SEM1: variants seen among roughly 807,000 people sequenced by gnomAD.
SEM1 encodes the protein SEM1 26S proteasome subunit.
Under a neutral mutation model 12.7 loss-of-function variants are expected in SEM1, and 3 were observed. The observed-to-expected ratio is 0.24, with a 90% CI of 0.11 to 0.61. The LOEUF (loss-of-function observed/expected upper bound fraction) is 0.61. Ranked by LOEUF, SEM1 falls within the 20% of genes least tolerant of loss-of-function variation. The pLI, the probability that SEM1 is intolerant of heterozygous loss-of-function variation, is 0.88. For missense variants in SEM1, 59 were observed against 81.3 expected (o/e 0.73, Z 1.06); for synonymous variants, 30 against 27.8 (o/e 1.08, Z -0.25).
chr7:96,525,648 T>C (rs1804434554), intron 2 of SEM1, among the ~76,000 whole-genome samples: 1 of 152,080 alleles, frequency 6.6e-6, no homozygotes, highest in African/African-American at 2.4e-5. Context: ...CTCCAAGTGA[T>C]CCTATAAAGC....
At chr7:96,524,323 C>T (rs1006467985) in intron 2 of SEM1, among the ~76,000 whole-genome samples, 2 of 152,078 alleles carry the variant, frequency 1.3e-5, no homozygotes, top group Non-Finnish European at 2.9e-5. Flanking sequence ...AGAACTCCTG[C>T]GATGATGTCA....
intron 2 of SEM1, among the ~76,000 whole-genome samples, chr7:96,557,053 A>C (rs1487745804): frequency 1.4e-5 from 2 of 145,730 alleles, no homozygotes; most frequent in African/African-American, 5.0e-5. Context: ...AGCTCCTTTA[A>C]GCACTTCTCT....
At chr7:96,535,645 G>C (rs1346191668) in intron 2 of SEM1, among the ~76,000 whole-genome samples, 2 of 151,620 alleles carry the variant, frequency 1.3e-5, no homozygotes, top group Non-Finnish European at 2.9e-5. Context: ...AGTATCTGTT[G>C]TTCGCCTCTT....
intron 2 of SEM1, among the ~76,000 whole-genome samples, chr7:96,555,175 G>A (rs1384289020): frequency 9.9e-6 from 1 of 100,516 alleles, no homozygotes; most frequent in African/African-American, 2.5e-5. Context: ...TTTTTTGAAG[G>A]GTTTTTGTGT....
chr7:96,695,602 A>G (rs553644588), intron 1 of SEM1: 10 of 152,014 alleles, frequency 6.6e-5, no homozygotes, highest in Admixed American at 5.2e-4. Context: ...TATCTATTTG[A>G]TAGTTATTTT....
chr7:96,698,205 A>G (rs1007537465), intron 1 of SEM1, among the ~76,000 whole-genome samples: 1 of 152,166 alleles, frequency 6.6e-6, no homozygotes, highest in Non-Finnish European at 1.5e-5. Flanking sequence ...TAAAAAAAAT[A>G]TAAGTCTGGC....
At chr7:96,695,465 G>A (rs1021730942) in intron 1 of SEM1, 13 of 151,852 alleles carry the variant, frequency 8.6e-5, no homozygotes, top group Non-Finnish European at 1.9e-4. Flanking sequence ...TGGTAGAGGG[G>A]AGGTTTAGAT....
intron 2 of SEM1, among the ~76,000 whole-genome samples, chr7:96,509,153 A>AT (rs71127457): frequency 0.05 from 6,074 of 120,706 alleles, 159 homozygotes; most frequent in African/African-American, 0.067. Context: ...CGTCCAGCTA[A>AT]TTTTTTTTTT....
chr7:96,631,724 A>G (rs1193220607), intron 2 of SEM1, among the ~76,000 whole-genome samples: 1 of 152,234 alleles, frequency 6.6e-6, no homozygotes, highest in Non-Finnish European at 1.5e-5. Context: ...TAAACTAAAG[A>G]GCTTCTGCAC....
At chr7:96,670,369 T>C (rs1450233794), downstream of SEM1, among the ~76,000 whole-genome samples, 1 of 152,140 alleles carries the variant, frequency 6.6e-6, no homozygotes, top group Non-Finnish European at 1.5e-5. Context: ...TAAAACTAGA[T>C]ACTGCTTTAT....
chr7:96,597,729 CAT>C (rs1807049403), intron 2 of SEM1, among the ~76,000 whole-genome samples: 1 of 151,610 alleles, frequency 6.6e-6, no homozygotes, highest in East Asian at 1.9e-4. Context: ...TGCACACACA[CAT>C]AGTCACATGG....
At chr7:96,488,869 G>A (rs1055850465) in intron 1 of SEM1, among the ~76,000 whole-genome samples, 5 of 152,012 alleles carry the variant, frequency 3.3e-5, no homozygotes, top group Non-Finnish European at 5.9e-5. Context: ...AAGTGGCAAG[G>A]GGAGCCAGTT....
chr7:96,563,519 A>T (rs1234457433), intron 2 of SEM1, among the ~76,000 whole-genome samples: 1 of 152,132 alleles, frequency 6.6e-6, no homozygotes, highest in East Asian at 1.9e-4. Context: ...AACTATACAG[A>T]AGTACATGGG....
chr7:96,554,327 TG>T (rs1805402410), intron 2 of SEM1, among the ~76,000 whole-genome samples: 1 of 100,322 alleles, frequency 1.0e-5, no homozygotes, highest in African/African-American at 3.3e-5. Context: ...ATATTGGCTG[TG>T]GGTTTGTCAT....
Position 96,709,741 on chromosome 7 carries a change from A to C in SEM1, c.23T>G (p.Val8Gly). 6.2e-7 allele frequency: 1 copy of C among 1,613,986 alleles called. No homozygotes were observed. The part of the protein sequence containing the change: MSEKKQP[V>G]DLGLLEEDDE... ...GTCTTCCTCTAACAGACCTAAGTCTACCGGCTGCTTTTTCTCTGACATCTC... is the reference window on the plus strand; with the variant it reads ...GTCTTCCTCTAACAGACCTAAGTCTCCCGGCTGCTTTTTCTCTGACATCTC... Residue 8 changes from valine to glycine, a missense_variant, in exon 1 of 3, where the codon GTA (valine) becomes GGA (glycine). By Grantham distance (109) the Val-to-Gly change is moderately radical. Coordinates refer to ENST00000248566, the MANE Select transcript of SEM1 (RefSeq NM_006304.2).
intron 2 of SEM1, among the ~76,000 whole-genome samples, chr7:96,610,506 G>A (rs1807508575): frequency 6.6e-6 from 1 of 152,172 alleles, no homozygotes; most frequent in African/African-American, 2.4e-5. Flanking sequence ...GACAAGAGAG[G>A]TAGGCAAAGT....
At chr7:96,569,763 A>G (rs1269686192) in intron 2 of SEM1, among the ~76,000 whole-genome samples, 2 of 151,882 alleles carry the variant, frequency 1.3e-5, no homozygotes, top group African/African-American at 4.8e-5. Context: ...CCTTTGTTTA[A>G]CTTCTACTTA....
At chr7:96,553,046 GT>G (rs1390356969) in intron 2 of SEM1, among the ~76,000 whole-genome samples, 1 of 151,822 alleles carries the variant, frequency 6.6e-6, no homozygotes, top group Non-Finnish European at 1.5e-5. Context: ...GGGGTTGTTT[GT>G]TTTTTTCTTG....
chr7:96,663,105 A>G (rs774357743), intron 2 of SEM1, among the ~76,000 whole-genome samples: 1 of 151,868 alleles, frequency 6.6e-6, no homozygotes, highest in African/African-American at 2.4e-5. Context: ...AGTATGTCCT[A>G]GTGCAATAAT....
Sources: gnomAD v4.1 joint callset for allele counts (sites outside exome capture counted in the v4.1 genomes callset) on GRCh38, gnomAD v4.1.1 for gene constraint, MANE v1.5 for transcripts, NCBI Gene and HGNC (gene_info 2026-07-23, HGNC 2026-07-21) for gene names.